Variants in MAGI1 observed in about 807,000 individuals in gnomAD.
MAGI1 encodes membrane associated guanylate kinase, WW and PDZ domain containing 1.
A neutral mutation model predicts 139.9 loss-of-function variants in MAGI1; 58 were observed. The observed-to-expected ratio is 0.41, with a 90% CI of 0.34 to 0.52. MAGI1 has a LOEUF of 0.52. MAGI1 is among the 20% of genes least tolerant of loss of function. The pLI, the probability that MAGI1 is intolerant of heterozygous loss-of-function variation, is 0.12. For missense variants in MAGI1, 1,874 were observed against 1,901.6 expected, an observed-to-expected ratio of 0.99 and a Z score of 0.27; for synonymous variants, 812 against 737.9, an observed-to-expected ratio of 1.10 and a Z score of -1.63.
chr3:66,010,945 G>A (rs1310701323), intron 1 of MAGI1, among the ~76,000 whole-genome samples: 2 of 152,340 alleles, frequency 1.3e-5, no homozygotes, highest in African/African-American at 4.8e-5. Context: ...GGACTTGAAA[G>A]CTTTCTCAGA....
At chr3:65,487,968 C>T (rs1226740013) in intron 3 of MAGI1, among the ~76,000 whole-genome samples, 1 of 152,172 alleles carries the variant, frequency 6.6e-6, no homozygotes, top group Non-Finnish European at 1.5e-5. Context: ...AACTTGGTTT[C>T]TCAATCACAA....
At chr3:65,363,018 C>G (rs12629541) in intron 21 of MAGI1, among the ~76,000 whole-genome samples, 2 of 152,100 alleles carry the variant, frequency 1.3e-5, no homozygotes, top group African/African-American at 4.8e-5. Flanking sequence ...GTCTCTGAGC[C>G]TAAGGTAAGA....
At chr3:65,908,777 A>T (rs1335269444) in intron 1 of MAGI1, among the ~76,000 whole-genome samples, 1 of 151,564 alleles carries the variant, frequency 6.6e-6, no homozygotes, top group Non-Finnish European at 1.5e-5. Flanking sequence ...TTTCTAACAG[A>T]CTCCTGGGGC....
chr3:65,592,879 C>T (rs1352735878), intron 2 of MAGI1, among the ~76,000 whole-genome samples: 3 of 152,106 alleles, frequency 2.0e-5, no homozygotes, highest in African/African-American at 7.2e-5. Flanking sequence ...TTACCTTATT[C>T]CCTATTCCCT....
intron 1 of MAGI1, among the ~76,000 whole-genome samples, chr3:66,026,725 G>C (rs2068283169): frequency 6.6e-6 from 1 of 152,004 alleles, no homozygotes; most frequent in Non-Finnish European, 1.5e-5. Context: ...TGATCAGAGA[G>C]AAGAGGAGAT....
At chr3:65,644,539 GAC>G (rs1576582786) in intron 1 of MAGI1, among the ~76,000 whole-genome samples, 1 of 151,892 alleles carries the variant, frequency 6.6e-6, no homozygotes, top group African/African-American at 2.4e-5. Context: ...CAGCCTGAGT[GAC>G]AGAGTAAGCC....
At chr3:65,807,375 A>T (rs1261549904) in intron 1 of MAGI1, among the ~76,000 whole-genome samples, 1 of 152,148 alleles carries the variant, frequency 6.6e-6, no homozygotes, top group Non-Finnish European at 1.5e-5. Context: ...TTTCTCTTCA[A>T]CCTCTGTTTA....
At chr3:65,737,217 G>A (rs916617788) in intron 1 of MAGI1, among the ~76,000 whole-genome samples, 8 of 152,088 alleles carry the variant, frequency 5.3e-5, no homozygotes, top group Non-Finnish European at 1.0e-4. Flanking sequence ...GTTATAGCCA[G>A]GATGGTCTCA....
At chr3:65,923,388 GCTAA>G (rs1318951614) in intron 1 of MAGI1, among the ~76,000 whole-genome samples, 1 of 151,944 alleles carries the variant, frequency 6.6e-6, no homozygotes, top group Non-Finnish European at 1.5e-5. Flanking sequence ...ACCACGCCCA[GCTAA>G]CTTTTTGTAT....
At chr3:65,385,602 C>T (rs963801384) in intron 14 of MAGI1, among the ~76,000 whole-genome samples, 1 of 152,144 alleles carries the variant, frequency 6.6e-6, no homozygotes. Flanking sequence ...AATGAATACA[C>T]CAACAGAGAA....
chr3:65,953,929 C>T (rs1300675117), intron 1 of MAGI1, among the ~76,000 whole-genome samples: 3 of 152,142 alleles, frequency 2.0e-5, no homozygotes, highest in Non-Finnish European at 4.4e-5. Flanking sequence ...CCTAGTGCTA[C>T]CTTTTAAAAG....
intron 1 of MAGI1, among the ~76,000 whole-genome samples, chr3:65,864,597 C>T (rs1241131855): frequency 2.0e-5 from 3 of 152,230 alleles, no homozygotes; most frequent in Non-Finnish European, 4.4e-5. Flanking sequence ...TCAGGAAAAA[C>T]AGTACTTTTC....
At position 65,741,484 on chromosome 3, in the gene MAGI1, T is replaced by A. The variant is rs551720532; in HGVS notation, c.314-119396A>T. Among the ~76,000 whole-genome samples the A allele has an allele frequency of 5.3e-5, 8 of 152,312 alleles. No homozygotes were observed. In the East Asian group the frequency reaches 1.5e-3, roughly 29 times the overall value. The stretch of plus-strand genomic sequence containing the variant: ...CCGCCACGCCTGGCCTATTGCTTTA[T>A]TTATTAAGCTACAACATTTGATGAG... On this transcript the variant is annotated intron_variant, in intron 1 of 22. Coordinates refer to ENST00000402939, the MANE Select transcript of MAGI1 (RefSeq NM_001033057.2).
At chr3:65,471,447 C>A (rs1183221739) in intron 4 of MAGI1, among the ~76,000 whole-genome samples, 3 of 152,146 alleles carry the variant, frequency 2.0e-5, no homozygotes, top group Admixed American at 2.0e-4. Flanking sequence ...AAAGCTTTCT[C>A]TGATGAGAAG....
chr3:65,771,578 G>A (rs1331147977), intron 1 of MAGI1, among the ~76,000 whole-genome samples: 2 of 152,050 alleles, frequency 1.3e-5, no homozygotes, highest in Non-Finnish European at 2.9e-5. Context: ...TCAAAATAAG[G>A]TATAACCAGC....
rs200894076 is a variant in MAGI1, at chr3:65,979,088, T to TCCCCCCCCCCCCCCCCCCCCC, written c.313+58907_313+58908insGGGGGGGGGGGGGGGGGGGGG. Among the ~76,000 whole-genome samples the TCCCCCCCCCCCCCCCCCCCCC allele has an allele frequency of 1.5e-4, 8 of 52,988 alleles. 1 individual carries two copies. Among genetic ancestry groups the TCCCCCCCCCCCCCCCCCCCCC allele is most frequent in the African/African-American group, 2.8e-4 (4 of 14,386 alleles). The allele number at this position is 52,988 out of a possible 152,430, so 34.8% of individuals were successfully genotyped here. On this transcript the variant is annotated intron_variant, in intron 1 of 22. Coordinates refer to ENST00000402939, the MANE Select transcript of MAGI1 (RefSeq NM_001033057.2). Reference sequence around the variant, plus strand: ...AACAGCCAAAGTTTTTTTCTTTTCTTCCCCCCCCCCGCCACCCCCCACAGC... The same window carrying TCCCCCCCCCCCCCCCCCCCCC: ...AACAGCCAAAGTTTTTTTCTTTTCTTCCCCCCCCCCCCCCCCCCCCCCCCCCCCCCCGCCACCCCCCACAGC...
At chr3:65,707,957 T>C (rs532404327) in intron 1 of MAGI1, among the ~76,000 whole-genome samples, 5 of 152,084 alleles carry the variant, frequency 3.3e-5, no homozygotes, top group African/African-American at 9.7e-5. Context: ...AACTGGCACA[T>C]AGAAAGAATG....
intron 1 of MAGI1, among the ~76,000 whole-genome samples, chr3:65,950,714 C>G (rs193169141): frequency 6.6e-5 from 10 of 152,268 alleles, no homozygotes; most frequent in African/African-American, 1.9e-4. Flanking sequence ...TGCTACCCCC[C>G]ACTGGTCGGC....
chr3:65,907,883 T>C (rs60773731), intron 1 of MAGI1, among the ~76,000 whole-genome samples: 3,979 of 152,274 alleles, frequency 0.026, 125 homozygotes, highest in East Asian at 0.14. Flanking sequence ...TGACTTGGCC[T>C]CATACTTGCG....
Sources: gnomAD v4.1 joint callset for allele counts (sites outside exome capture counted in the v4.1 genomes callset) on GRCh38, gnomAD v4.1.1 for gene constraint, MANE v1.5 for transcripts, NCBI Gene and HGNC (gene_info 2026-07-23, HGNC 2026-07-21) for gene names.